The following PPP1R9A variants were observed in gnomAD, a reference collection of about 807,000 sequenced individuals.
PPP1R9A encodes neurabin-1.
Under a neutral mutation model 141.9 loss-of-function variants are expected in PPP1R9A, and 59 were observed. That is an observed-to-expected ratio of 0.42 (90% confidence interval 0.34 to 0.52). The LOEUF is 0.52. PPP1R9A is among the 20% of genes least tolerant of loss of function. PPP1R9A has a pLI of 0.10. For missense variants in PPP1R9A, 1,444 were observed against 1,611.9 expected (o/e 0.90, Z 1.78); for synonymous variants, 500 against 569.7 (o/e 0.88, Z 1.74).
At chr7:95,010,701 C>G (rs570676176) in intron 2 of PPP1R9A, among the ~76,000 whole-genome samples, 1 of 151,938 alleles carries the variant, frequency 6.6e-6, no homozygotes, top group South Asian at 2.1e-4. Context: ...TTGCCTTCAC[C>G]TTTAGTTTAC....
At chr7:95,283,412 T>A (rs1804654184) in intron 16 of PPP1R9A, among the ~76,000 whole-genome samples, 1 of 152,328 alleles carries the variant, frequency 6.6e-6, no homozygotes, top group South Asian at 2.1e-4. Context: ...TGAGACCATG[T>A]ACTTAGGAGG....
chr7:95,117,351 T>C (rs149422628), intron 3 of PPP1R9A, among the ~76,000 whole-genome samples: 58 of 152,240 alleles, frequency 3.8e-4, no homozygotes, highest in African/African-American at 1.2e-3. Context: ...AAGCTGTATG[T>C]AAATAAGATG....
At chr7:95,014,652 A>T (rs920073429) in intron 2 of PPP1R9A, among the ~76,000 whole-genome samples, 1 of 152,040 alleles carries the variant, frequency 6.6e-6, no homozygotes, top group Non-Finnish European at 1.5e-5. Flanking sequence ...TTCTCATCAA[A>T]GTTAAATGCT....
rs115443224 is a variant in PPP1R9A, at chr7:95,283,456, G to A, written c.3297-562G>A. Among the ~76,000 whole-genome samples the A allele has an allele frequency of 8.7e-3, 1,326 of 152,284 alleles. 11 individuals carry two copies. Among genetic ancestry groups the A allele is most frequent in the African/African-American group, 0.031 (1,272 of 41,564 alleles). ...CCTGGCCCTCCAAGTGGGAGATGAG[G>A]ACTTCAGATCTCCTACGCCTCCTGT... On this transcript the variant is annotated intron_variant, in intron 16 of 19. Transcript: ENST00000433360.
In PPP1R9A at chr7:95,223,982, G is replaced by A. The variant is rs1019188827; in HGVS notation, c.1957-1979G>A. 2.0e-5 allele frequency among the ~76,000 whole-genome samples: 3 copies of A among 151,560 alleles called. No individual in the cohort carries two copies. The Admixed American group carries it at 2.0e-4, about 10-fold the overall frequency. ...CTAGAAATGGGTATGAACAGGAGAT[G>A]AATTGATTCAAGAATACAAAAGAAA... is the stretch of plus-strand genomic sequence containing the variant. On this transcript the variant is annotated intron_variant, in intron 7 of 19. Coordinates refer to ENST00000433360, the MANE Select transcript of PPP1R9A (RefSeq NM_001166160.2).
chr7:95,004,543 G>A (rs1472730584), intron 2 of PPP1R9A, among the ~76,000 whole-genome samples: 8 of 152,118 alleles, frequency 5.3e-5, no homozygotes, highest in Non-Finnish European at 8.8e-5. Context: ...ATATGGAGCT[G>A]CTTAAAGACT....
intron 7 of PPP1R9A, among the ~76,000 whole-genome samples, chr7:95,216,058 T>C (rs191235457): frequency 0.012 from 1,783 of 152,304 alleles, 31 homozygotes; most frequent in Admixed American, 0.042. Context: ...ATGCCTATGT[T>C]CTGAATGGTA....
rs150853295 is a variant in PPP1R9A, at chr7:95,143,995, G to A, written c.1650-17872G>A. Among the ~76,000 whole-genome samples the A allele has an allele frequency of 8.7e-3, 1,327 of 151,912 alleles. 21 individuals carry two copies. Among genetic ancestry groups the A allele is most frequent in the African/African-American group, 0.03 (1,259 of 41,422 alleles). On this transcript the variant is annotated intron_variant, in intron 4 of 19. Transcript: ENST00000433360. ...TTCATCAGCTCACATAGTTAATTTC[G>A]TGTGTGATGAGAACATTTAAGGTCT...
intron 2 of PPP1R9A, among the ~76,000 whole-genome samples, chr7:94,992,295 G>T (rs2151436599): frequency 6.6e-6 from 1 of 152,250 alleles, no homozygotes; most frequent in South Asian, 2.1e-4. Context: ...TGTCCATGTT[G>T]TGCAAGTATC....
At chr7:95,073,358 A>T (rs1249982602) in intron 2 of PPP1R9A, among the ~76,000 whole-genome samples, 1 of 152,120 alleles carries the variant, frequency 6.6e-6, no homozygotes, top group Non-Finnish European at 1.5e-5. Context: ...AGCTACCGGA[A>T]TATGTAGAAC....
intron 2 of PPP1R9A, among the ~76,000 whole-genome samples, chr7:94,961,413 T>TAA (rs137947911): frequency 6.6e-6 from 1 of 150,966 alleles, no homozygotes; most frequent in Admixed American, 6.6e-5. Context: ...AATAAGTAAA[T>TAA]AAAAAAAACT....
chr7:95,047,853 T>C (rs1810244887), intron 2 of PPP1R9A, among the ~76,000 whole-genome samples: 1 of 152,202 alleles, frequency 6.6e-6, no homozygotes, highest in East Asian at 1.9e-4. Flanking sequence ...TTGAAGTTTT[T>C]ACAAAAATGT....
Position 95,291,627 on chromosome 7 carries a change from T to C in PPP1R9A, c.*1324T>C, listed in dbSNP as rs1347865064. ...AATAAACTCGTTTTGAGAAATTTCA[T>C]GTGATGAGGGTTTTTTGTTTTTTAT... On this transcript the variant is annotated 3_prime_UTR_variant, in exon 20 of 20. Coordinates refer to ENST00000433360, the MANE Select transcript of PPP1R9A (RefSeq NM_001166160.2). 2.0e-5 allele frequency: 3 copies of C among 152,218 alleles called. No homozygotes were observed. Among genetic ancestry groups the C allele is most frequent in the Non-Finnish European group, 2.9e-5 (2 of 68,026 alleles). 9.4% of individuals were successfully genotyped at this position (152,218 alleles called of 1,614,324 possible).
At chr7:95,023,399 A>G (rs939890753) in intron 2 of PPP1R9A, among the ~76,000 whole-genome samples, 4 of 151,816 alleles carry the variant, frequency 2.6e-5, no homozygotes, top group Non-Finnish European at 4.4e-5. Flanking sequence ...CTAGCGGTCT[A>G]TTTTGTTGAT....
At chr7:95,016,640 C>A (rs1805151277) in intron 2 of PPP1R9A, among the ~76,000 whole-genome samples, 1 of 151,982 alleles carries the variant, frequency 6.6e-6, no homozygotes, top group South Asian at 2.1e-4. Context: ...TGACAATAAT[C>A]CATTTATTAA....
intron 2 of PPP1R9A, among the ~76,000 whole-genome samples, chr7:94,949,360 A>T (rs755046501): frequency 6.6e-6 from 1 of 152,154 alleles, no homozygotes; most frequent in Non-Finnish European, 1.5e-5. Flanking sequence ...GGTGAATTTC[A>T]TGAGGACTAT....
At chr7:95,184,981 A>AAATTG (rs1834409667) in intron 5 of PPP1R9A, among the ~76,000 whole-genome samples, 1 of 149,234 alleles carries the variant, frequency 6.7e-6, no homozygotes, top group South Asian at 2.1e-4. Context: ...CTGTGTAGCT[A>AAATTG]CCTGGTAGTT....
At chr7:95,101,863 T>C (rs978899416) in intron 2 of PPP1R9A, among the ~76,000 whole-genome samples, 2 of 152,218 alleles carry the variant, frequency 1.3e-5, no homozygotes, top group African/African-American at 4.8e-5. Flanking sequence ...TATTAATCTT[T>C]ACATTTCCTT....
intron 4 of PPP1R9A, among the ~76,000 whole-genome samples, chr7:95,136,401 G>A (rs572256176): frequency 5.3e-5 from 8 of 152,038 alleles, no homozygotes; most frequent in Non-Finnish European, 8.8e-5. Flanking sequence ...GACCAGCCTT[G>A]GCAACATATC....
Sources: allele counts gnomAD v4.1 joint callset (sites outside exome capture counted in the v4.1 genomes callset), GRCh38; gene constraint gnomAD v4.1.1; transcripts MANE v1.5; gene names NCBI Gene and HGNC (gene_info 2026-07-23, HGNC 2026-07-21).